MEGF10: variants seen among roughly 807,000 people sequenced by gnomAD.
MEGF10 encodes multiple EGF like domains 10, also known as multiple epidermal growth factor-like domains protein 10.
In MEGF10, 86 loss-of-function variants were observed where a neutral mutation model predicts 147.5. The observed-to-expected ratio is 0.58, with a 90% CI of 0.49 to 0.70. The LOEUF (loss-of-function observed/expected upper bound fraction) is 0.70, where lower values mean the gene tolerates loss of function less well. Among genes scored for constraint, MEGF10 ranks in the 30% least tolerant of loss-of-function variants. The pLI, the probability that MEGF10 is intolerant of heterozygous loss-of-function variation, is 0.00. For missense variants in MEGF10, 1,329 were observed against 1,487.3 expected, an observed-to-expected ratio of 0.89 and a Z score of 1.75; for synonymous variants, 478 against 525.5, an observed-to-expected ratio of 0.91 and a Z score of 1.24.
At chr5:127,327,626 C>G (rs372497891) in intron 1 of MEGF10, among the ~76,000 whole-genome samples, 90 of 151,970 alleles carry the variant, frequency 5.9e-4, no homozygotes, top group African/African-American at 2.2e-3. Context: ...ACTATGTTTA[C>G]TCACCAAAAC....
chr5:127,250,956 T>C, the MEGF10 span, among the ~76,000 whole-genome samples: 1 of 151,954 alleles, frequency 6.6e-6, no homozygotes, highest in African/African-American at 2.4e-5. Context: ...TGTTGAAAAC[T>C]GTAAAATATA....
intron 5 of MEGF10, among the ~76,000 whole-genome samples, chr5:127,372,658 C>G (rs1762887620): frequency 6.6e-6 from 1 of 152,122 alleles, no homozygotes. Flanking sequence ...GGCCAGGTAT[C>G]CTGTAGAATG....
Position 127,422,198 on chromosome 5 carries a change from C to T in MEGF10, c.1591-472C>T, listed in dbSNP as rs377385207. ...CTTCCTGGAGCCTATATTTTGGGGA[C>T]TAAGAAGACATAGAAAGAGGTGATT... On this transcript the variant is annotated intron_variant, in intron 12 of 24. Transcript: ENST00000503335. Among the ~76,000 whole-genome samples, 10 of 152,134 alleles carry T rather than the reference C, an allele frequency of 6.6e-5. No individual in the cohort carries two copies. The East Asian group carries it at 1.7e-3, about 26-fold the overall frequency.
chr5:127,434,824 A>G lies in MEGF10; in HGVS notation c.1975+3A>G. The G allele has an allele frequency of 6.2e-7, 1 of 1,611,804 alleles. No homozygotes were observed. The highest frequency in any genetic ancestry group is 1.1e-5 in the South Asian group (1 of 90,984). On this transcript the variant is annotated splice_donor_region_variant and intron_variant, in intron 15 of 24. Coordinates refer to ENST00000503335, the MANE Select transcript of MEGF10 (RefSeq NM_001256545.2). ...CACAGGCGCCCTCTGCAATGAAGGT[A>G]AGGCACGAAGCATCCCGGACAGCTG...
chr5:127,284,216 A>G, the MEGF10 span, among the ~76,000 whole-genome samples: 2 of 152,164 alleles, frequency 1.3e-5, no homozygotes, highest in Admixed American at 6.5e-5. Context: ...AAATGAAGGC[A>G]TCTGGGAGGA....
intron 4 of MEGF10, among the ~76,000 whole-genome samples, chr5:127,365,954 C>T (rs1384332109): frequency 6.6e-6 from 1 of 152,168 alleles, no homozygotes; most frequent in Non-Finnish European, 1.5e-5. Flanking sequence ...TGCTACTGAA[C>T]ATCTGCTAAG....
the MEGF10 span, among the ~76,000 whole-genome samples, chr5:127,272,930 T>A: frequency 6.6e-6 from 1 of 152,220 alleles, no homozygotes; most frequent in East Asian, 1.9e-4. Flanking sequence ...TTCTTTCTCT[T>A]GCCTGATTGC....
Position 127,396,204 on chromosome 5 carries a change from C to G in MEGF10, c.413-328C>G, listed in dbSNP as rs116710294. 9.3e-3 allele frequency among the ~76,000 whole-genome samples: 1,417 copies of G among 152,320 alleles called. 24 individuals carry two copies. The highest frequency in any genetic ancestry group is 0.033 in the African/African-American group (1,352 of 41,578). On this transcript the variant is annotated intron_variant, in intron 5 of 24. Transcript: ENST00000503335. ...GCCAGGCTGCTCTCCTTGCAGAACC[C>G]CTGAGCTCTTCCCCTAGCCCACTTC...
chr5:127,434,592 C>A, intron 14 of MEGF10, 95 bp from the exon 15 acceptor site: 1 of 1,348,786 alleles, frequency 7.4e-7, no homozygotes. Flanking sequence ...TAAGGTTTTG[C>A]TTTTTAACCT....
At chr5:127,385,480 C>T (rs1042460723) in intron 5 of MEGF10, among the ~76,000 whole-genome samples, 4 of 152,022 alleles carry the variant, frequency 2.6e-5, no homozygotes, top group South Asian at 4.1e-4. Context: ...GCCATGTTGG[C>T]GAGGCTGGTC....
rs1321901745 is a variant in MEGF10 at position 127,420,183 on chromosome 5, G to A, written c.1566G>A (p.Gly522=). Residue 522 remains glycine, a synonymous_variant, in exon 12 of 25, where the codon GGG becomes GGA. Transcript: ENST00000503335. ...GCACGTGTGCACCTGGATGGCGCGG[G>A]GAGAAATGCGAACTTCCCTGCCAGG... ...GTCTCAPGWR[G]EKCELPCQDG... 1.9e-6 allele frequency: 3 copies of A among 1,614,006 alleles called. No individual in the cohort carries two copies. The African/African-American group carries it at 4.0e-5, about 22-fold the overall frequency.
At chr5:127,366,927 C>T (rs1284542081) in intron 4 of MEGF10, among the ~76,000 whole-genome samples, 1 of 152,160 alleles carries the variant, frequency 6.6e-6, no homozygotes, top group African/African-American at 2.4e-5. Context: ...TGGGATCCAA[C>T]CATATGCAAT....
At chr5:127,361,740 A>G (rs1042314692) in intron 4 of MEGF10, among the ~76,000 whole-genome samples, 1 of 152,092 alleles carries the variant, frequency 6.6e-6, no homozygotes. Context: ...ATTTACTTTA[A>G]AATACTTTCT....
chr5:127,306,324 C>T (rs1261386874), intron 1 of MEGF10, among the ~76,000 whole-genome samples: 1 of 152,134 alleles, frequency 6.6e-6, no homozygotes, highest in African/African-American at 2.4e-5. Context: ...CAAGTCCTGA[C>T]AGGCAGATTT....
At chr5:127,275,165 C>T in the MEGF10 span, among the ~76,000 whole-genome samples, 2 of 152,070 alleles carry the variant, frequency 1.3e-5, no homozygotes, top group Non-Finnish European at 1.5e-5. Flanking sequence ...TACCATAAAA[C>T]GAAAGTTAAA....
intron 4 of MEGF10, among the ~76,000 whole-genome samples, chr5:127,369,545 T>C (rs1580774011): frequency 1.3e-5 from 2 of 152,214 alleles, no homozygotes; most frequent in African/African-American, 4.8e-5. Flanking sequence ...GGCCCTGATA[T>C]CTTGCTTTGT....
In MEGF10 at chr5:127,433,488, C is replaced by T. The variant is rs1454219963; in HGVS notation, c.1819C>T (p.Arg607Ter). 5 of 1,609,334 alleles carry T rather than the reference C, an allele frequency of 3.1e-6. No homozygotes were observed. Among genetic ancestry groups the T allele is most frequent in the Admixed American group, 1.7e-5 (1 of 59,472 alleles). ...DGICECAPGF[R>*]GTTCQRICSP... Reference sequence around the variant, plus strand: ...CATCTGCGAGTGTGCACCAGGCTTCCGAGGCACCACTTGTCAGAGGAGTAA... The same window carrying T: ...CATCTGCGAGTGTGCACCAGGCTTCTGAGGCACCACTTGTCAGAGGAGTAA... Residue 607 changes from arginine (R) to a stop codon, truncating the protein, a stop_gained, in exon 14 of 25, where the codon CGA becomes TGA. Transcript: ENST00000503335. LOFTEE classifies it high-confidence loss of function.
rs1397372882 is a variant in MEGF10, at chr5:127,445,575, C to T, written c.2610C>T (p.Leu870=). ...AGIIILVLVV[L]FLLALFIIYR... is the part of the protein sequence containing the mutation. Reference sequence around the variant, plus strand: ...TCATCATTCTTGTCCTAGTTGTTCTCTTCCTACTGGCATTGTTCATTATTT... The same window carrying T: ...TCATCATTCTTGTCCTAGTTGTTCTTTTCCTACTGGCATTGTTCATTATTT... The change falls in exon 20 of 25, where the codon CTC becomes CTT. Residue 870 remains leucine (L), a synonymous_variant. Transcript: ENST00000503335. 3 of 1,613,954 alleles carry T rather than the reference C, an allele frequency of 1.9e-6. No individual in the cohort carries two copies. Among genetic ancestry groups the T allele is most frequent in the African/African-American group, 2.7e-5 (2 of 74,900 alleles).
At chr5:127,372,324 C>A (rs185393901) in intron 5 of MEGF10, among the ~76,000 whole-genome samples, 76 of 152,260 alleles carry the variant, frequency 5.0e-4, no homozygotes, top group African/African-American at 1.8e-3. Context: ...TTTGGGAACA[C>A]TTTTAGACTT....
Sources: allele counts gnomAD v4.1 joint callset (sites outside exome capture counted in the v4.1 genomes callset), GRCh38; gene constraint gnomAD v4.1.1; transcripts MANE v1.5; gene names NCBI Gene and HGNC (gene_info 2026-07-23, HGNC 2026-07-21).